The following HDAC9 variants were observed in gnomAD, a reference collection of about 807,000 sequenced individuals.
The protein encoded by HDAC9 is histone deacetylase 9.
In HDAC9, 41 loss-of-function variants were observed where a neutral mutation model predicts 139.4. That is an observed-to-expected ratio of 0.29 (90% CI 0.23 to 0.38). The LOEUF (loss-of-function observed/expected upper bound fraction) is 0.38, where lower values mean the gene tolerates loss of function less well. HDAC9 is among the 10% of genes least tolerant of loss of function. HDAC9 has a pLI of 1.00. For synonymous variants in HDAC9, 517 were observed against 476.2 expected, an observed-to-expected ratio of 1.09 and a Z score of -1.12; for missense variants, 1,147 against 1,297.0, an observed-to-expected ratio of 0.88 and a Z score of 1.78.
chr7:18,605,693 T>G (rs937086986), intron 6 of HDAC9, among the ~76,000 whole-genome samples: 2 of 151,868 alleles, frequency 1.3e-5, no homozygotes, highest in African/African-American at 4.8e-5. Flanking sequence ...TGTTTGTTTG[T>G]TTTTTGAGAC....
chr7:18,469,415 A>G (rs1163736028), intron 1 of HDAC9, among the ~76,000 whole-genome samples: 1 of 152,218 alleles, frequency 6.6e-6, no homozygotes, highest in South Asian at 2.1e-4. Flanking sequence ...TTTCTGGGAA[A>G]TACCAGATCT....
chr7:18,663,948 G>T (rs555728929), intron 11 of HDAC9, among the ~76,000 whole-genome samples: 77 of 152,228 alleles, frequency 5.1e-4, no homozygotes, highest in African/African-American at 1.8e-3. Flanking sequence ...GCGGATGTTT[G>T]TTACCCAGTG....
chr7:18,722,417 T>C (rs796587044), intron 12 of HDAC9, among the ~76,000 whole-genome samples: 4 of 152,304 alleles, frequency 2.6e-5, no homozygotes, highest in Admixed American at 6.5e-5. Flanking sequence ...CAGTAGATTC[T>C]GAACTGTTTG....
intron 16 of HDAC9, among the ~76,000 whole-genome samples, chr7:18,784,849 A>G (rs537124069): frequency 6.6e-6 from 1 of 152,002 alleles, no homozygotes; most frequent in Non-Finnish European, 1.5e-5. Flanking sequence ...CAGACTTTCC[A>G]TGTACTCCCA....
rs550625363 is a variant in HDAC9 at position 18,177,186 on chromosome 7, G to A, written c.25+14837G>A. Reference sequence around the variant, plus strand: ...TTGGGGTCTATATAAGTAAGTTATGGAAAATAAAATACGTGAGGAGGAAGG... The same window carrying A: ...TTGGGGTCTATATAAGTAAGTTATGAAAAATAAAATACGTGAGGAGGAAGG... On this transcript the variant is annotated intron_variant, in intron 2 of 12. Transcript: ENST00000417496. Among the ~76,000 whole-genome samples the A allele has an allele frequency of 3.7e-4, 56 of 152,246 alleles. 1 individual carries two copies. The South Asian group carries it at 0.012, about 32-fold the overall frequency.
chr7:18,218,578 C>T (rs1289585085), intron 2 of HDAC9, among the ~76,000 whole-genome samples: 2 of 151,960 alleles, frequency 1.3e-5, no homozygotes, highest in Non-Finnish European at 2.9e-5. Context: ...CCAGAAGGTG[C>T]GGATCATTGG....
intron 19 of HDAC9, among the ~76,000 whole-genome samples, chr7:18,832,942 G>T (rs1229510084): frequency 6.6e-6 from 1 of 152,004 alleles, no homozygotes; most frequent in Admixed American, 6.6e-5. Context: ...CTCCATGTAG[G>T]TCAGGCTGGT....
intron 12 of HDAC9, among the ~76,000 whole-genome samples, chr7:18,677,549 G>A (rs539251950): frequency 3.9e-4 from 59 of 151,834 alleles, no homozygotes; most frequent in Non-Finnish European, 7.7e-4. Context: ...TTTATAGGAA[G>A]CTGCCAAATT....
intron 14 of HDAC9, 56 bp from the exon 15 acceptor site, chr7:18,762,101 A>G: frequency 6.2e-7 from 1 of 1,604,958 alleles, no homozygotes. Context: ...TTGGGGTCTC[A>G]TTTTCTTCTA....
rs1488364042 is a variant in HDAC9, at chr7:18,999,897, A to G, written c.*3835A>G. 1 of 152,210 alleles carries G rather than the reference A, an allele frequency of 6.6e-6. No homozygotes were observed. The highest frequency in any genetic ancestry group is 1.5e-5 in the Non-Finnish European group (1 of 68,032). The allele number at this position is 152,210 out of a possible 1,614,324, so 9.4% of individuals were successfully genotyped here. On this transcript the variant is annotated 3_prime_UTR_variant, in exon 26 of 26. Transcript: ENST00000686413. ...AAACAAGCCAAACTGTACTGTCTTA[A>G]AAGTGATTCATTCTGAGCTTGAAAC...
rs561638025 is a variant in HDAC9, at chr7:18,178,607, T to C, written c.25+16258T>C. Among the ~76,000 whole-genome samples the C allele has an allele frequency of 1.1e-4, 16 of 152,296 alleles. No homozygotes were observed. In the East Asian group the frequency reaches 2.9e-3, roughly 28 times the overall value. ...TGTTTCAATGCTTATAAACCACCTCTCTCCCAAAACAAATATGTATTGTGG... is the reference window on the plus strand; with the variant it reads ...TGTTTCAATGCTTATAAACCACCTCCCTCCCAAAACAAATATGTATTGTGG... On this transcript the variant is annotated intron_variant, in intron 2 of 12. Transcript: ENST00000417496.
intron 13 of HDAC9, among the ~76,000 whole-genome samples, chr7:18,740,851 A>C (rs987365525): frequency 1.3e-5 from 2 of 152,220 alleles, no homozygotes; most frequent in African/African-American, 4.8e-5. Flanking sequence ...AAATGATAAG[A>C]AAGCAAAACA....
chr7:18,230,851 CA>C (rs1326002282), intron 2 of HDAC9, among the ~76,000 whole-genome samples: 2 of 152,174 alleles, frequency 1.3e-5, no homozygotes, highest in Admixed American at 6.5e-5. Context: ...GTTCCAACAA[CA>C]TAATTATTTT....
intron 2 of HDAC9, among the ~76,000 whole-genome samples, chr7:18,574,765 C>A (rs1563336328): frequency 6.6e-6 from 1 of 152,246 alleles, no homozygotes; most frequent in South Asian, 2.1e-4. Context: ...AGCCGGGTTG[C>A]GACAGTGCCT....
intron 21 of HDAC9, among the ~76,000 whole-genome samples, chr7:18,849,231 T>C (rs60383654): frequency 0.024 from 3,631 of 152,310 alleles, 152 homozygotes; most frequent in African/African-American, 0.081. Context: ...AAACTGAGCA[T>C]ACCACAATCC....
chr7:18,534,481 A>C (rs1198195939), intron 2 of HDAC9, among the ~76,000 whole-genome samples: 1 of 152,224 alleles, frequency 6.6e-6, no homozygotes, highest in African/African-American at 2.4e-5. Flanking sequence ...TTAGAGGTCA[A>C]GGCTGAAGTG....
intron 1 of HDAC9, among the ~76,000 whole-genome samples, chr7:18,439,151 C>T (rs10227917): frequency 0.013 from 1,939 of 152,256 alleles, 48 homozygotes; most frequent in African/African-American, 0.044. Context: ...CTAAATTTCG[C>T]TTCTGATCAT....
chr7:18,214,920 C>T (rs1007315740), intron 2 of HDAC9, among the ~76,000 whole-genome samples: 1 of 152,094 alleles, frequency 6.6e-6, no homozygotes, highest in Admixed American at 6.6e-5. Flanking sequence ...TTTGGAAGAG[C>T]ATACTGTTGG....
At chr7:18,430,650 G>C (rs551740664) in intron 1 of HDAC9, 3 of 152,230 alleles carry the variant, frequency 2.0e-5, no homozygotes, top group African/African-American at 7.2e-5. Flanking sequence ...GTGAGGCCAA[G>C]ATGGGTAGAT....
Sources: allele counts gnomAD v4.1 joint callset (sites outside exome capture counted in the v4.1 genomes callset), GRCh38; gene constraint gnomAD v4.1.1; transcripts MANE v1.5; gene names NCBI Gene and HGNC (gene_info 2026-07-23, HGNC 2026-07-21).